DTNBP1: variants seen among roughly 807,000 people sequenced by gnomAD.
DTNBP1 encodes dysbindin.
DTNBP1 carries 35 observed loss-of-function variants against 42.8 expected under a neutral mutation model. The ratio of observed to expected loss-of-function variants is 0.82; its 90% CI spans 0.63 to 1.09. The LOEUF (loss-of-function observed/expected upper bound fraction) is 1.09. Among genes scored for constraint, DTNBP1 ranks in the 50% least tolerant of loss-of-function variants. DTNBP1 has a pLI of 0.00. For missense variants in DTNBP1, 457 were observed against 424.2 expected (o/e 1.08, Z -0.68); for synonymous variants, 171 against 162.2 (o/e 1.05, Z -0.41).
intron 7 of DTNBP1, among the ~76,000 whole-genome samples, chr6:15,571,610 T>C (rs1030798783): frequency 1.3e-5 from 2 of 152,210 alleles, no homozygotes; most frequent in Non-Finnish European, 2.9e-5. Context: ...CTGAAGGATG[T>C]CCAATGCATT....
chr6:15,533,793 C>T (rs115804155), intron 7 of DTNBP1, among the ~76,000 whole-genome samples: 1 of 152,212 alleles, frequency 6.6e-6, no homozygotes, highest in African/African-American at 2.4e-5. Context: ...TAGACTTTTG[C>T]AGCTGACTTA....
chr6:15,627,495 G>A lies in DTNBP1; in HGVS notation c.223-20C>T. Reference sequence around the variant, plus strand: ...CACCAGCTGCAGCACACAAGAAGGGGGGTAAAGTGAAACCAGGTTTTAGGC... The same window carrying A: ...CACCAGCTGCAGCACACAAGAAGGGAGGTAAAGTGAAACCAGGTTTTAGGC... On this transcript the variant is annotated intron_variant, in intron 4 of 9. Coordinates refer to ENST00000344537, the MANE Select transcript of DTNBP1 (RefSeq NM_032122.5). 6.2e-7 allele frequency: 1 copy of A among 1,613,450 alleles called. No homozygotes were observed. The highest frequency in any genetic ancestry group is 8.5e-7 in the Non-Finnish European group (1 of 1,179,782).
At chr6:15,612,444 G>A (rs750970676) in intron 6 of DTNBP1, among the ~76,000 whole-genome samples, 3 of 152,138 alleles carry the variant, frequency 2.0e-5, no homozygotes, top group Non-Finnish European at 2.9e-5. Flanking sequence ...GCTATCATAT[G>A]TTTCCAACAA....
intron 9 of DTNBP1, chr6:15,524,002 A>C (rs940998450): frequency 7.8e-7 from 1 of 1,288,320 alleles, no homozygotes; most frequent in Admixed American, 2.3e-5. Context: ...CTGGCACCTC[A>C]GCCCATATTT....
At chr6:15,622,940 T>C (rs1561997151) in intron 5 of DTNBP1, among the ~76,000 whole-genome samples, 1 of 152,226 alleles carries the variant, frequency 6.6e-6, no homozygotes, top group Non-Finnish European at 1.5e-5. Flanking sequence ...ATTAGCCTTA[T>C]GGAACAAAGA....
intron 6 of DTNBP1, among the ~76,000 whole-genome samples, chr6:15,608,349 A>C (rs1434432452): frequency 6.6e-6 from 1 of 152,056 alleles, no homozygotes; most frequent in African/African-American, 2.4e-5. Flanking sequence ...TTATAAATAA[A>C]TAAATAAATA....
At chr6:15,616,528 C>T (rs963592856) in intron 5 of DTNBP1, among the ~76,000 whole-genome samples, 1 of 152,218 alleles carries the variant, frequency 6.6e-6, no homozygotes, top group Non-Finnish European at 1.5e-5. Context: ...ACTCCCAAGT[C>T]AGGAAGTAAC....
At chr6:15,549,429 G>A (rs1370191077) in intron 7 of DTNBP1, among the ~76,000 whole-genome samples, 1 of 147,296 alleles carries the variant, frequency 6.8e-6, no homozygotes, top group African/African-American at 2.5e-5. Flanking sequence ...AGGCTGCAGT[G>A]AGCCGAGACC....
chr6:15,611,605 T>C (rs955217583), intron 6 of DTNBP1, among the ~76,000 whole-genome samples: 1 of 152,230 alleles, frequency 6.6e-6, no homozygotes, highest in African/African-American at 2.4e-5. Flanking sequence ...CTATTCCAGA[T>C]GCCATTAAGA....
At chr6:15,642,433 T>A (rs955291969) in intron 3 of DTNBP1, among the ~76,000 whole-genome samples, 2 of 152,042 alleles carry the variant, frequency 1.3e-5, no homozygotes, top group Non-Finnish European at 2.9e-5. Context: ...CCCGCCACCA[T>A]CCCCTGCCCA....
chr6:15,527,976 T>C lies in DTNBP1; in HGVS notation c.668-3307A>G, dbSNP rs139172867. 2.8e-4 allele frequency among the ~76,000 whole-genome samples: 42 copies of C among 152,248 alleles called. No homozygotes were observed. In the East Asian group the frequency reaches 4.4e-3, roughly 16 times the overall value. ...ATAGAGTAGTCACTGGTAACAGCAT[T>C]GGAGGCAAGTTCTACTCAACACTCA... On this transcript the variant is annotated intron_variant, in intron 8 of 9. Transcript: ENST00000344537.
chr6:15,576,386 G>A (rs1289968890), intron 7 of DTNBP1, among the ~76,000 whole-genome samples: 1 of 151,808 alleles, frequency 6.6e-6, no homozygotes, highest in African/African-American at 2.4e-5. Context: ...GCCTCCCAAA[G>A]TGCTGGGATT....
intron 7 of DTNBP1, among the ~76,000 whole-genome samples, chr6:15,573,615 C>T (rs1361120923): frequency 6.6e-6 from 1 of 151,986 alleles, no homozygotes; most frequent in Non-Finnish European, 1.5e-5. Flanking sequence ...AGGAGCTCAG[C>T]CTGGGCAACA....
chr6:15,531,307 G>A (rs1772805554), intron 8 of DTNBP1, among the ~76,000 whole-genome samples: 1 of 152,134 alleles, frequency 6.6e-6, no homozygotes, highest in Admixed American at 6.5e-5. Context: ...AAAATCCCTG[G>A]AGCAAACCCT....
chr6:15,647,828 A>C lies in DTNBP1; in HGVS notation c.161+3485T>G, dbSNP rs565950832. Reference sequence around the variant, plus strand: ...GCTTCACTGGTGAATTCTACCAAACATTTAAAAAAGAACCAACATTGACCA... The same window carrying C: ...GCTTCACTGGTGAATTCTACCAAACCTTTAAAAAAGAACCAACATTGACCA... On this transcript the variant is annotated intron_variant, in intron 3 of 9. Coordinates refer to ENST00000344537, the MANE Select transcript of DTNBP1 (RefSeq NM_032122.5). Among the ~76,000 whole-genome samples, 52 of 152,104 alleles carry C rather than the reference A, an allele frequency of 3.4e-4. 1 individual carries two copies. Among genetic ancestry groups the C allele is most frequent in the African/African-American group, 1.2e-3 (51 of 41,556 alleles).
At chr6:15,563,421 T>C (rs752304304) in intron 7 of DTNBP1, among the ~76,000 whole-genome samples, 1 of 152,192 alleles carries the variant, frequency 6.6e-6, no homozygotes, top group Non-Finnish European at 1.5e-5. Context: ...TAACAAGAAT[T>C]CTGGACATAA....
intron 7 of DTNBP1, among the ~76,000 whole-genome samples, chr6:15,582,072 G>A (rs1287612483): frequency 6.6e-6 from 1 of 152,112 alleles, no homozygotes; most frequent in Non-Finnish European, 1.5e-5. Context: ...CCAGGAAGCA[G>A]TTCAAATACA....
chr6:15,641,802 A>C (rs943561644), intron 3 of DTNBP1, among the ~76,000 whole-genome samples: 2 of 152,154 alleles, frequency 1.3e-5, no homozygotes, highest in Admixed American at 6.5e-5. Context: ...TAACTGTGAG[A>C]TCTCTGGAGA....
rs186711000 is a variant in DTNBP1 at position 15,575,473 on chromosome 6, G to A, written c.511+17586C>T. On this transcript the variant is annotated intron_variant, in intron 7 of 9. Coordinates refer to ENST00000344537, the MANE Select transcript of DTNBP1 (RefSeq NM_032122.5). ...CTTTAATTTTATGGTAACATTTCCA[G>A]TTGTAACTGACATTTTGTCTCACAA... is the stretch of plus-strand genomic sequence containing the variant. 4.5e-3 allele frequency among the ~76,000 whole-genome samples: 683 copies of A among 152,282 alleles called. 2 individuals are homozygous for A. Among genetic ancestry groups the A allele is most frequent in the Non-Finnish European group, 6.0e-3 (406 of 68,014 alleles).
Sources: gnomAD v4.1 joint callset for allele counts (sites outside exome capture counted in the v4.1 genomes callset) on GRCh38, gnomAD v4.1.1 for gene constraint, MANE v1.5 for transcripts, NCBI Gene and HGNC (gene_info 2026-07-23, HGNC 2026-07-21) for gene names.